Variants in GRIK4 observed in about 807,000 individuals in gnomAD.
GRIK4 encodes glutamate receptor ionotropic, kainate 4.
GRIK4 carries 40 observed loss-of-function variants against 104.9 expected under a neutral mutation model. That is an observed-to-expected ratio of 0.38 (90% CI 0.30 to 0.50). GRIK4 has a LOEUF of 0.50. Among genes scored for constraint, GRIK4 ranks in the 20% least tolerant of loss-of-function variants. The pLI is 0.93. For synonymous variants in GRIK4, 485 were observed against 524.9 expected, an observed-to-expected ratio of 0.92 and a Z score of 1.04; for missense variants, 1,047 against 1,308.1, an observed-to-expected ratio of 0.80 and a Z score of 3.08.
In GRIK4 at chr11:120,819,688, C is replaced by G. The variant is rs1337480991; in HGVS notation, c.346-67C>G. The G allele has an allele frequency of 6.8e-7, 1 of 1,461,152 alleles. No individual in the cohort carries two copies. The highest frequency in any genetic ancestry group is 2.3e-5 in the East Asian group (1 of 43,980). The allele number at this position is 1,461,152 out of a possible 1,614,324, so 90.5% of individuals were successfully genotyped here. ...TCACCCTCCACAACCTCAGCTCACT[C>G]ATCCCTCTTTCTTCCTTTTCACCCA... On this transcript the variant is annotated intron_variant, in intron 5 of 20. Transcript: ENST00000527524. This position sits in a 1 kb window ranked among gnomAD's most constrained non-coding sequence, Gnocchi z 4.3.
At chr11:120,623,185 C>T (rs1270684836) in intron 1 of GRIK4, among the ~76,000 whole-genome samples, 1 of 152,148 alleles carries the variant, frequency 6.6e-6, no homozygotes, top group Non-Finnish European at 1.5e-5. Context: ...CTCTGTTGCC[C>T]AGGCTGGAGT....
In GRIK4 at chr11:120,929,812, C is replaced by T. The variant is rs542702659; in HGVS notation, c.1477-10535C>T. Among the ~76,000 whole-genome samples the T allele has an allele frequency of 1.8e-3, 262 of 148,090 alleles. 1 individual carries two copies. The highest frequency in any genetic ancestry group is 6.1e-3 in the African/African-American group (248 of 40,568). On this transcript the variant is annotated intron_variant, in intron 13 of 20. Coordinates refer to ENST00000527524, the MANE Select transcript of GRIK4 (RefSeq NM_014619.5). ...CTGGGGCAGGGCAAGGGGAGAAGGG[C>T]GCCCTCTAGTGGGGAACCTACGGCT...
chr11:120,584,065 ATC>A (rs1948624219), intron 1 of GRIK4, among the ~76,000 whole-genome samples: 1 of 152,136 alleles, frequency 6.6e-6, no homozygotes, highest in Non-Finnish European at 1.5e-5. Context: ...TTGATTTTGT[ATC>A]CTGAAACTTT....
At chr11:120,767,218 T>C (rs1951854955) in intron 3 of GRIK4, among the ~76,000 whole-genome samples, 1 of 152,200 alleles carries the variant, frequency 6.6e-6, no homozygotes, top group Non-Finnish European at 1.5e-5. Context: ...ACACTTGTTA[T>C]CTTTTGTCTA....
intron 8 of GRIK4, among the ~76,000 whole-genome samples, chr11:120,857,875 C>T (rs998283804): frequency 2.0e-5 from 3 of 152,204 alleles, no homozygotes; most frequent in South Asian, 4.1e-4. Flanking sequence ...AGAGAGAGAC[C>T]ACATGTGTGA....
chr11:120,988,853 T>A lies in GRIK4; in HGVS notation c.*2593T>A, dbSNP rs1021556279. ...TTTGGGTTTAGAAAGTATGGTTCAG[T>A]GTGTCTAATATCCAGGTACTAGACT... On this transcript the variant is annotated 3_prime_UTR_variant, in exon 21 of 21. Coordinates refer to ENST00000527524, the MANE Select transcript of GRIK4 (RefSeq NM_014619.5). 12 of 152,194 alleles carry A rather than the reference T, an allele frequency of 7.9e-5. No individual in the cohort carries two copies. Among genetic ancestry groups the A allele is most frequent in the African/African-American group, 2.7e-4 (11 of 41,446 alleles). The allele number at this position is 152,194 out of a possible 1,614,324, so 9.4% of individuals were successfully genotyped here.
chr11:120,609,926 CTG>C (rs965214694), intron 1 of GRIK4, among the ~76,000 whole-genome samples: 4 of 152,162 alleles, frequency 2.6e-5, no homozygotes, highest in Admixed American at 1.3e-4. Context: ...CACTAACCTG[CTG>C]TGTGATCTTG....
At chr11:120,892,557 C>G (rs1955335479) in intron 11 of GRIK4, among the ~76,000 whole-genome samples, 1 of 152,096 alleles carries the variant, frequency 6.6e-6, no homozygotes, top group South Asian at 2.1e-4. Context: ...GTGCCAGGTA[C>G]TAATGGGGGT....
chr11:120,743,601 T>C (rs572226141), intron 3 of GRIK4, among the ~76,000 whole-genome samples: 1 of 152,224 alleles, frequency 6.6e-6, no homozygotes, highest in African/African-American at 2.4e-5. Context: ...AAAAGAAAAG[T>C]TTTTGTATAA....
chr11:120,559,691 T>C (rs1035346216), intron 1 of GRIK4, among the ~76,000 whole-genome samples: 11 of 152,364 alleles, frequency 7.2e-5, no homozygotes, highest in African/African-American at 2.6e-4. Context: ...CTGGGGCAAG[T>C]AGGTGATTCT....
intron 19 of GRIK4, among the ~76,000 whole-genome samples, chr11:120,973,585 A>T (rs1469747531): frequency 2.0e-5 from 3 of 152,162 alleles, no homozygotes; most frequent in Non-Finnish European, 4.4e-5. Context: ...TGTCTGGGAG[A>T]TGCTATGCAA....
At chr11:120,955,026 C>T (rs1015909761) in intron 15 of GRIK4, among the ~76,000 whole-genome samples, 1 of 152,018 alleles carries the variant, frequency 6.6e-6, no homozygotes, top group African/African-American at 2.4e-5. Flanking sequence ...TATTGTACTT[C>T]GGGTAAGATT....
intron 3 of GRIK4, among the ~76,000 whole-genome samples, chr11:120,734,968 A>C (rs971544198): frequency 1.3e-5 from 2 of 152,134 alleles, no homozygotes; most frequent in African/African-American, 4.8e-5. Context: ...GAATTCTGAA[A>C]TCCTTTTCTC....
At chr11:120,760,946 T>C (rs1951738906) in intron 3 of GRIK4, among the ~76,000 whole-genome samples, 1 of 152,130 alleles carries the variant, frequency 6.6e-6, no homozygotes, top group Non-Finnish European at 1.5e-5. Flanking sequence ...TGATTTACAG[T>C]CTTTGGGTAT....
intron 3 of GRIK4, among the ~76,000 whole-genome samples, chr11:120,675,831 A>G (rs1950091214): frequency 6.6e-6 from 1 of 152,236 alleles, no homozygotes. Context: ...GCCCATAAAT[A>G]ATAGTTATTA....
intron 1 of GRIK4, among the ~76,000 whole-genome samples, chr11:120,620,955 C>G (rs1021409203): frequency 6.6e-6 from 1 of 152,174 alleles, no homozygotes; most frequent in Non-Finnish European, 1.5e-5. Context: ...AGTCACTTGC[C>G]CACGATCATG....
At chr11:120,559,559 G>T (rs1378443929) in intron 1 of GRIK4, among the ~76,000 whole-genome samples, 2 of 152,176 alleles carry the variant, frequency 1.3e-5, no homozygotes, top group African/African-American at 4.8e-5. Context: ...TATCCAAATG[G>T]ATATAAGAAA....
intron 13 of GRIK4, among the ~76,000 whole-genome samples, chr11:120,938,869 C>T (rs1369007299): frequency 6.6e-6 from 1 of 152,180 alleles, no homozygotes; most frequent in African/African-American, 2.4e-5. Flanking sequence ...TGCGTCCTAC[C>T]ACCAGAAAAT....
intron 11 of GRIK4, among the ~76,000 whole-genome samples, chr11:120,877,150 G>T (rs74316646): frequency 3.3e-5 from 5 of 152,258 alleles, no homozygotes; most frequent in Admixed American, 3.3e-4. Flanking sequence ...GAGCTGCATT[G>T]TCTGTAAGCA....
Sources: allele counts gnomAD v4.1 joint callset (sites outside exome capture counted in the v4.1 genomes callset), GRCh38; gene constraint gnomAD v4.1.1; non-coding constraint Gnocchi (gnomAD v3.1); transcripts MANE v1.5; gene names NCBI Gene and HGNC (gene_info 2026-07-23, HGNC 2026-07-21).